Variants in ADAMTS17 observed in about 807,000 individuals in gnomAD.
ADAMTS17 encodes A disintegrin and metalloproteinase with thrombospondin motifs 17.
ADAMTS17 carries 113 observed loss-of-function variants against 141.5 expected under a neutral mutation model. That is an observed-to-expected ratio of 0.80 (90% confidence interval 0.69 to 0.93). ADAMTS17 has a LOEUF of 0.93. ADAMTS17 is among the 40% of genes least tolerant of loss of function. The pLI, the probability that ADAMTS17 is intolerant of heterozygous loss-of-function variation, is 0.00. For missense variants in ADAMTS17, 1,659 were observed against 1,517.9 expected, an observed-to-expected ratio of 1.09 and a Z score of -1.54; for synonymous variants, 768 against 630.6, an observed-to-expected ratio of 1.22 and a Z score of -3.27.
chr15:100,190,857 C>G (rs2040890219), intron 8 of ADAMTS17, among the ~76,000 whole-genome samples: 2 of 152,228 alleles, frequency 1.3e-5, no homozygotes, highest in Non-Finnish European at 2.9e-5. Context: ...GCCACCTGGA[C>G]AGGGCTCAGC....
At chr15:100,108,709 C>T (rs1433259038) in intron 14 of ADAMTS17, among the ~76,000 whole-genome samples, 1 of 152,206 alleles carries the variant, frequency 6.6e-6, no homozygotes, top group South Asian at 2.1e-4. Context: ...TGCCTACCTT[C>T]GTCTTGGTCA....
chr15:100,007,253 G>A (rs2061053957), intron 18 of ADAMTS17, among the ~76,000 whole-genome samples: 1 of 152,164 alleles, frequency 6.6e-6, no homozygotes, highest in Non-Finnish European at 1.5e-5. Flanking sequence ...GGAGGTGGAG[G>A]GACTGTGGTG....
intron 18 of ADAMTS17, among the ~76,000 whole-genome samples, chr15:100,027,571 A>G (rs370839803): frequency 5.9e-5 from 9 of 152,240 alleles, no homozygotes; most frequent in African/African-American, 2.2e-4. Flanking sequence ...CTATTTGTCT[A>G]TACATTGTTT....
chr15:100,198,878 C>T (rs974954764), intron 8 of ADAMTS17, among the ~76,000 whole-genome samples: 2 of 152,216 alleles, frequency 1.3e-5, no homozygotes, highest in African/African-American at 4.8e-5. Context: ...GCTGTTAATT[C>T]TTCAAAACTA....
At chr15:100,058,164 A>C (rs2032760161) in intron 15 of ADAMTS17, among the ~76,000 whole-genome samples, 1 of 148,430 alleles carries the variant, frequency 6.7e-6, no homozygotes, top group African/African-American at 2.5e-5. Context: ...CCCAGCTCTA[A>C]CCCTCCTATC....
At chr15:100,340,862 A>G (rs2046342012) in intron 2 of ADAMTS17, 177 bp downstream of exon 2, 1 of 970,438 alleles carries the variant, frequency 1.0e-6, no homozygotes, top group Non-Finnish European at 1.5e-6. Flanking sequence ...CCCTTTGCCT[A>G]TAGAGGGTAC....
chr15:100,137,276 G>A (rs1230471691), intron 10 of ADAMTS17, among the ~76,000 whole-genome samples: 4 of 152,186 alleles, frequency 2.6e-5, no homozygotes, highest in Admixed American at 1.3e-4. Context: ...GAGAAGAACC[G>A]GCTGGGAAGA....
chr15:100,015,476 T>C lies in ADAMTS17; in HGVS notation c.2592-17887A>G, dbSNP rs375642822. Among the ~76,000 whole-genome samples the C allele has an allele frequency of 5.9e-5, 9 of 152,368 alleles. No individual in the cohort carries two copies. In the East Asian group the frequency reaches 1.7e-3, roughly 29 times the overall value. ...TTTAAAGGTCCTGTGTGATTTATGC[T>C]TTAAAGAGGTTCTGTTTTGATGTGT... On this transcript the variant is annotated intron_variant, in intron 18 of 21. Coordinates refer to ENST00000268070, the MANE Select transcript of ADAMTS17 (RefSeq NM_139057.4).
At chr15:100,045,142 T>TAGTAAAAAAA (rs3062421) in intron 18 of ADAMTS17, among the ~76,000 whole-genome samples, 2,561 of 152,154 alleles carry the variant, frequency 0.017, 67 homozygotes, top group African/African-American at 0.056. Flanking sequence ...CACATTAAAA[T>TAGTAAAAAAA]AACCTCAAAT....
At chr15:100,085,307 GA>G (rs930023758) in intron 15 of ADAMTS17, among the ~76,000 whole-genome samples, 6 of 149,862 alleles carry the variant, frequency 4.0e-5, no homozygotes, top group Non-Finnish European at 7.4e-5. Flanking sequence ...AGAATACAAA[GA>G]AACGAACAAA....
At chr15:100,187,470 G>C (rs1042876836) in intron 8 of ADAMTS17, among the ~76,000 whole-genome samples, 3 of 152,114 alleles carry the variant, frequency 2.0e-5, no homozygotes, top group African/African-American at 7.2e-5. Flanking sequence ...GGCTCAACCC[G>C]CAAGAGGTGA....
At position 100,116,831 on chromosome 15, in the gene ADAMTS17, T is replaced by G. The variant is rs374628573; in HGVS notation, c.1888+16A>C. ...GACAGGAGGCTGCCATGCAAGGACA[T>G]GCCATATGCCTTTACCGTCAACCAC... On this transcript the variant is annotated intron_variant, in intron 13 of 21. Coordinates refer to ENST00000268070, the MANE Select transcript of ADAMTS17 (RefSeq NM_139057.4). 134 of 1,613,898 alleles carry G rather than the reference T, an allele frequency of 8.3e-5. No homozygotes were observed. In the Admixed American group the frequency reaches 1.2e-3, roughly 14 times the overall value.
intron 19 of ADAMTS17, among the ~76,000 whole-genome samples, chr15:99,994,876 G>A (rs1156683264): frequency 6.6e-6 from 1 of 152,190 alleles, no homozygotes; most frequent in Non-Finnish European, 1.5e-5. Flanking sequence ...TCTTTCTTAC[G>A]AATTCAATTC....
At chr15:100,138,993 TG>T (rs2038482534) in intron 10 of ADAMTS17, among the ~76,000 whole-genome samples, 2 of 152,244 alleles carry the variant, frequency 1.3e-5, no homozygotes, top group East Asian at 1.9e-4. Flanking sequence ...TGAAGGCGCA[TG>T]GGGGGTATTT....
chr15:100,185,966 C>T (rs1333054748), intron 8 of ADAMTS17, among the ~76,000 whole-genome samples: 5 of 152,018 alleles, frequency 3.3e-5, no homozygotes, highest in African/African-American at 1.2e-4. Context: ...ACACACTGGT[C>T]GTGTGAGTGC....
chr15:100,334,311 C>T (rs1037505676), intron 2 of ADAMTS17, among the ~76,000 whole-genome samples: 3 of 152,204 alleles, frequency 2.0e-5, no homozygotes, highest in Non-Finnish European at 2.9e-5. Flanking sequence ...AAGCAGCATG[C>T]CTCTGTGGGA....
At chr15:100,300,002 C>A (rs1375568616) in intron 3 of ADAMTS17, among the ~76,000 whole-genome samples, 1 of 152,202 alleles carries the variant, frequency 6.6e-6, no homozygotes, top group Non-Finnish European at 1.5e-5. Context: ...AAGTTAATGA[C>A]AGAATGAAGT....
At chr15:100,077,835 G>A (rs1392096225) in intron 15 of ADAMTS17, among the ~76,000 whole-genome samples, 1 of 152,158 alleles carries the variant, frequency 6.6e-6, no homozygotes, top group East Asian at 1.9e-4. Context: ...TCTATTTGCA[G>A]ATGCTAAAAT....
At chr15:100,263,505 T>C (rs1278764169) in intron 4 of ADAMTS17, among the ~76,000 whole-genome samples, 2 of 152,072 alleles carry the variant, frequency 1.3e-5, no homozygotes, top group African/African-American at 4.8e-5. Flanking sequence ...TGTAAGGACC[T>C]CAACATCAAG....
Sources: gnomAD v4.1 joint callset for allele counts (sites outside exome capture counted in the v4.1 genomes callset) on GRCh38, gnomAD v4.1.1 for gene constraint, MANE v1.5 for transcripts, NCBI Gene and HGNC (gene_info 2026-07-23, HGNC 2026-07-21) for gene names.